LHFPL2: variants seen among roughly 807,000 people sequenced by gnomAD.
The protein encoded by LHFPL2 is LHFPL tetraspan subfamily member 2 protein.
LHFPL2 carries 7 observed loss-of-function variants against 17.5 expected under a neutral mutation model. The ratio of observed to expected loss-of-function variants is 0.40; its 90% CI spans 0.23 to 0.75. LHFPL2 has a LOEUF of 0.75. Among genes scored for constraint, LHFPL2 ranks in the 30% least tolerant of loss-of-function variants. The pLI is 0.37. For synonymous variants in LHFPL2, 134 were observed against 116.2 expected (o/e 1.15, Z -0.99); for missense variants, 241 against 294.8 (o/e 0.82, Z 1.34).
intron 3 of LHFPL2, among the ~76,000 whole-genome samples, chr5:78,556,537 G>A (rs1756576122): frequency 6.6e-6 from 1 of 151,820 alleles, no homozygotes; most frequent in Non-Finnish European, 1.5e-5. Context: ...CAACTTTCCT[G>A]GAAATATTTT....
chr5:78,487,708 C>T lies in LHFPL2; in HGVS notation c.*1189G>A, dbSNP rs1754294612. 1 of 152,198 alleles carries T rather than the reference C, an allele frequency of 6.6e-6. No individual in the cohort carries two copies. The highest frequency in any genetic ancestry group is 1.5e-5 in the Non-Finnish European group (1 of 68,024). The allele number at this position is 152,198 out of a possible 1,614,324, so 9.4% of individuals were successfully genotyped here. A position where few individuals can be genotyped will look rare whatever the true frequency, so the allele number is the denominator to read the frequency against. On this transcript the variant is annotated 3_prime_UTR_variant, in exon 5 of 5. Transcript: ENST00000380345. ...TTTTTGTAAACAGGTGTAGGCAGTG[C>T]TGTGACCTTGATCTAGCGCCTCTTT...
intron 4 of LHFPL2, chr5:78,494,446 C>T (rs1561304014): frequency 4.1e-6 from 4 of 985,142 alleles, no homozygotes; most frequent in African/African-American, 1.7e-5. Context: ...TCCTCATCCC[C>T]GTGTTCTAAC....
intron 3 of LHFPL2, among the ~76,000 whole-genome samples, chr5:78,559,795 A>C (rs1756675087): frequency 1.3e-5 from 2 of 152,220 alleles, no homozygotes; most frequent in Admixed American, 6.5e-5. Flanking sequence ...CCTATACTCT[A>C]ATATTGGAAT....
rs896647979 is a variant in LHFPL2, at chr5:78,580,658, A to C, written c.-244-15787T>G. Among the ~76,000 whole-genome samples the C allele has an allele frequency of 5.3e-5, 8 of 152,028 alleles. 1 individual carries two copies. The highest frequency in any genetic ancestry group is 1.7e-4 in the African/African-American group (7 of 41,450). ...TTTGTCAAAGATCAGATAGTTGGAG[A>C]TATGCGGCGTTCTTTCTGAGGGCTC... On this transcript the variant is annotated intron_variant, in intron 2 of 4. Coordinates refer to ENST00000380345, the MANE Select transcript of LHFPL2 (RefSeq NM_005779.3).
Position 78,510,217 on chromosome 5 carries a change from G to A in LHFPL2, c.-4C>T, listed in dbSNP as rs773234454. On this transcript the variant is annotated 5_prime_UTR_variant, in exon 4 of 5. Coordinates refer to ENST00000380345, the MANE Select transcript of LHFPL2 (RefSeq NM_005779.3). ...AGGTGACAATGACATGACACATATT[G>A]ATGTTCCGGGCGAAGAAAGAGTCAG... 1.0e-5 allele frequency: 16 copies of A among 1,575,252 alleles called. No homozygotes were observed. Among genetic ancestry groups the A allele is most frequent in the Non-Finnish European group, 1.1e-5 (13 of 1,157,568 alleles).
At chr5:78,538,724 C>G (rs1027512787) in intron 3 of LHFPL2, among the ~76,000 whole-genome samples, 1 of 152,212 alleles carries the variant, frequency 6.6e-6, no homozygotes. Context: ...CACACCTGCA[C>G]GGGCACAGTT....
chr5:78,557,046 C>T (rs1211612358), intron 3 of LHFPL2, among the ~76,000 whole-genome samples: 1 of 151,986 alleles, frequency 6.6e-6, no homozygotes, highest in East Asian at 1.9e-4. Flanking sequence ...GTCTGGCAAT[C>T]CTAGTCCAGC....
At chr5:78,627,989 G>A (rs1430013940) in intron 2 of LHFPL2, among the ~76,000 whole-genome samples, 3 of 152,162 alleles carry the variant, frequency 2.0e-5, no homozygotes, top group Non-Finnish European at 4.4e-5. Context: ...GTAGCTGGCT[G>A]AGTCCTACAT....
At chr5:78,507,907 C>T (rs997642834) in intron 4 of LHFPL2, among the ~76,000 whole-genome samples, 1 of 151,178 alleles carries the variant, frequency 6.6e-6, no homozygotes, top group South Asian at 2.1e-4. Context: ...TTCAGTAATA[C>T]TTCCCTGCAA....
In LHFPL2 at chr5:78,561,356, G is replaced by A. The variant is rs112074389; in HGVS notation, c.-186+3457C>T. On this transcript the variant is annotated intron_variant, in intron 3 of 4. Transcript: ENST00000380345. Reference sequence around the variant, plus strand: ...AGCAGCCACACGGGGAGATGCTAACGGGGAGACTACCGTATCGGATGGTGC... The same window carrying A: ...AGCAGCCACACGGGGAGATGCTAACAGGGAGACTACCGTATCGGATGGTGC... Among the ~76,000 whole-genome samples the A allele has an allele frequency of 4.0e-3, 607 of 152,312 alleles. 3 individuals are homozygous for A. Among genetic ancestry groups the A allele is most frequent in the African/African-American group, 0.014 (566 of 41,566 alleles).
intron 2 of LHFPL2, among the ~76,000 whole-genome samples, chr5:78,576,456 T>A (rs1757139715): frequency 6.6e-6 from 1 of 152,176 alleles, no homozygotes; most frequent in African/African-American, 2.4e-5. Flanking sequence ...AGCCTTAAAT[T>A]TCTCCCATTC....
intron 2 of LHFPL2, among the ~76,000 whole-genome samples, chr5:78,583,136 T>C (rs1380733868): frequency 6.6e-6 from 1 of 151,788 alleles, no homozygotes; most frequent in Admixed American, 6.6e-5. Flanking sequence ...ATTTGCTTGG[T>C]AGATCTTCCT....
intron 3 of LHFPL2, among the ~76,000 whole-genome samples, chr5:78,536,225 C>T (rs193296526): frequency 6.6e-6 from 1 of 152,130 alleles, no homozygotes; most frequent in African/African-American, 2.4e-5. Flanking sequence ...GGATGCCGTA[C>T]CAAGTGGGGC....
intron 2 of LHFPL2, among the ~76,000 whole-genome samples, chr5:78,608,053 T>A (rs1744289919): frequency 6.6e-6 from 1 of 152,182 alleles, no homozygotes; most frequent in African/African-American, 2.4e-5. Flanking sequence ...AAGTTTCAGG[T>A]GACACCAGGG....
At chr5:78,558,491 C>T (rs2112405686) in intron 3 of LHFPL2, among the ~76,000 whole-genome samples, 1 of 151,352 alleles carries the variant, frequency 6.6e-6, no homozygotes, top group South Asian at 2.1e-4. Context: ...CATGGACTTC[C>T]ACTGATCACA....
intron 1 of LHFPL2, among the ~76,000 whole-genome samples, chr5:78,645,783 A>G (rs1368379399): frequency 1.3e-5 from 2 of 152,086 alleles, no homozygotes; most frequent in African/African-American, 4.8e-5. Context: ...GGCTTTCGCT[A>G]TGTTGGCCAG....
At chr5:78,547,207 C>T (rs1172890631) in intron 3 of LHFPL2, among the ~76,000 whole-genome samples, 2 of 152,274 alleles carry the variant, frequency 1.3e-5, no homozygotes, top group African/African-American at 2.4e-5. Context: ...AGAGGCTCAC[C>T]GGGGCACTCC....
chr5:78,610,373 A>G (rs1270558492), intron 2 of LHFPL2, among the ~76,000 whole-genome samples: 1 of 152,252 alleles, frequency 6.6e-6, no homozygotes, highest in Non-Finnish European at 1.5e-5. Context: ...GAAAAGATCC[A>G]GATGCCTTGG....
At chr5:78,645,425 C>T in intron 1 of LHFPL2, among the ~76,000 whole-genome samples, 1 of 143,838 alleles carries the variant, frequency 7.0e-6, no homozygotes, top group East Asian at 1.9e-4. Flanking sequence ...TAGCAGAGTT[C>T]TTCTTCTCAA....
Sources: allele counts gnomAD v4.1 joint callset (sites outside exome capture counted in the v4.1 genomes callset), GRCh38; gene constraint gnomAD v4.1.1; transcripts MANE v1.5; gene names NCBI Gene and HGNC (gene_info 2026-07-23, HGNC 2026-07-21).